EDNRB: variants seen among roughly 807,000 people sequenced by gnomAD.
EDNRB encodes endothelin receptor type B.
Under a neutral mutation model 46.4 loss-of-function variants are expected in EDNRB, and 18 were observed. The observed-to-expected ratio is 0.39, with a 90% CI of 0.27 to 0.57. The LOEUF is 0.57. Ranked by LOEUF, EDNRB falls within the 20% of genes least tolerant of loss-of-function variation. EDNRB has a pLI of 0.61. For missense variants in EDNRB, 434 were observed against 537.5 expected, an observed-to-expected ratio of 0.81 and a Z score of 1.90; for synonymous variants, 213 against 204.9, an observed-to-expected ratio of 1.04 and a Z score of -0.34.
Position 77,918,561 on chromosome 13 carries a change from G to T in EDNRB, c.13C>A (p.Pro5Thr), listed in dbSNP as rs12720160. 3.5e-5 allele frequency: 56 copies of T among 1,598,588 alleles called. No homozygotes were observed. In the African/African-American group the frequency reaches 6.6e-4, roughly 19 times the overall value. Residue 5 changes from proline (P) to threonine (T), a missense_variant, in exon 1 of 7, where the codon CCA becomes ACA. Transcript: ENST00000646607. The surrounding 1 kb of genome is among the most constrained non-coding windows in gnomAD (Gnocchi z 4.5). MQPP[P>T]SLCGRALVAL... ...ACCAGGGCGCGTCCGCACAGACTTG[G>T]AGGCGGCTGCATGCTGCTACCTGCT...
rs57159046 is a variant in EDNRB at position 77,907,676 on chromosome 13, T to C, written c.484-4069A>G. ...CTTAAATTATTTCCAAATATGTTAA[T>C]ATTGTTATCCTGTAGGTATGGCTAT... On this transcript the variant is annotated intron_variant, in intron 1 of 6. Transcript: ENST00000646607. Among the ~76,000 whole-genome samples the C allele has an allele frequency of 4.7e-3, 716 of 152,080 alleles. 8 individuals carry two copies. Among genetic ancestry groups the C allele is most frequent in the African/African-American group, 0.017 (692 of 41,530 alleles).
At position 77,896,763 on chromosome 13, in the gene EDNRB, C is replaced by A; in HGVS notation, c.*1437G>T. ...ATCTGTCCCCATGGGTTTCCTCCAA[C>A]CCCACCTCATTTCCTCTCTCTTCCG... On this transcript the variant is annotated 3_prime_UTR_variant, in exon 7 of 7. Transcript: ENST00000646607. 1.5e-6 allele frequency: 2 copies of A among 1,343,602 alleles called. No individual in the cohort carries two copies. Among genetic ancestry groups the A allele is most frequent in the Non-Finnish European group, 1.9e-6 (2 of 1,050,144 alleles). 83.2% of individuals were successfully genotyped at this position (1,343,602 alleles called of 1,614,324 possible). A position where few individuals can be genotyped will look rare whatever the true frequency, so the allele number is the denominator to read the frequency against.
Position 77,896,423 on chromosome 13 carries a change from A to T in EDNRB, c.*1777T>A. ...AAGTTTGTGGGTGATTTATAAATAG[A>T]ATCCATATGGTGTGTGAATTAATTA... On this transcript the variant is annotated 3_prime_UTR_variant, in exon 7 of 7. Coordinates refer to ENST00000646607, the MANE Select transcript of EDNRB (RefSeq NM_001122659.3). 6.5e-7 allele frequency: 1 copy of T among 1,542,294 alleles called. No individual in the cohort carries two copies.
intron 1 of EDNRB, among the ~76,000 whole-genome samples, chr13:77,908,912 C>T (rs1050286328): frequency 5.3e-5 from 8 of 151,936 alleles, no homozygotes; most frequent in Admixed American, 2.6e-4. Flanking sequence ...AAATATGAGC[C>T]AGTTGGCAAT....
chr13:77,972,781 G>C (rs1276915274), intron 1 of EDNRB, among the ~76,000 whole-genome samples: 1 of 152,210 alleles, frequency 6.6e-6, no homozygotes, highest in African/African-American at 2.4e-5. Flanking sequence ...AGAAGAAAGA[G>C]TAATAGAATA....
intron 1 of EDNRB, among the ~76,000 whole-genome samples, chr13:77,935,210 C>G (rs1017783067): frequency 6.6e-6 from 1 of 152,206 alleles, no homozygotes; most frequent in Non-Finnish European, 1.5e-5. Context: ...GGCCGCCACA[C>G]GCAAACTTGA....
At chr13:77,910,217 C>T (rs941072983) in intron 1 of EDNRB, among the ~76,000 whole-genome samples, 1 of 151,976 alleles carries the variant, frequency 6.6e-6, no homozygotes, top group African/African-American at 2.4e-5. Context: ...ACCAAGATTA[C>T]TTTGCCAGAC....
chr13:77,956,633 TTTA>T (rs1382385438), intron 1 of EDNRB, among the ~76,000 whole-genome samples: 2 of 152,350 alleles, frequency 1.3e-5, no homozygotes, highest in East Asian at 1.9e-4. Flanking sequence ...ATAGCACAAA[TTTA>T]TTATTGTGCA....
At chr13:77,899,598 T>A (rs1238938259) in intron 6 of EDNRB, 3 of 396,252 alleles carry the variant, frequency 7.6e-6, no homozygotes, top group African/African-American at 6.1e-5. Context: ...GCATGTAATT[T>A]TTATTACTTT....
At chr13:77,969,163 C>T (rs1881659106) in intron 1 of EDNRB, among the ~76,000 whole-genome samples, 1 of 152,144 alleles carries the variant, frequency 6.6e-6, no homozygotes, top group East Asian at 1.9e-4. Flanking sequence ...GTCATTGCCT[C>T]TATTTTTTAA....
intron 1 of EDNRB, among the ~76,000 whole-genome samples, chr13:77,954,286 G>A (rs138161657): frequency 6.6e-6 from 1 of 151,786 alleles, no homozygotes; most frequent in Non-Finnish European, 1.5e-5. Flanking sequence ...CTCCTTATAT[G>A]CCCCTTCTCC....
rs202070754 is a variant in EDNRB, at chr13:77,918,343, C to A, written c.231G>T (p.Thr77=). 6 of 1,613,706 alleles carry A rather than the reference C, an allele frequency of 3.7e-6. No individual in the cohort carries two copies. Among genetic ancestry groups the A allele is most frequent in the Non-Finnish European group, 5.1e-6 (6 of 1,179,794 alleles). ...APAEVPKGDR[T]AGSPPRTISP... ...AGATGGTGCGTGGCGGAGATCCTGC[C>A]GTCCTGTCTCCTTTAGGCACCTCCG... Residue 77 remains threonine (T), a synonymous_variant, in exon 1 of 7, where the codon ACG becomes ACT. Transcript: ENST00000646607. The surrounding 1 kb of genome is among the most constrained non-coding windows in gnomAD (Gnocchi z 4.5).
At chr13:77,944,996 G>C (rs1003032593) in intron 1 of EDNRB, 3 of 152,172 alleles carry the variant, frequency 2.0e-5, no homozygotes, top group African/African-American at 7.2e-5. Flanking sequence ...AAATTTCCAA[G>C]TGTGAAATCT....
rs534282645 is a variant in EDNRB, at chr13:77,960,240, T to A, written c.-52+15107A>T. 1.6e-4 allele frequency among the ~76,000 whole-genome samples: 24 copies of A among 152,192 alleles called. 1 individual carries two copies. In the South Asian group the frequency reaches 5.0e-3, roughly 32 times the overall value. ...AACTCCAAGACACATAATTATCAGA[T>A]TCACCAAAGTTGAAATGAAGGAAAA... On this transcript the variant is annotated intron_variant, in intron 1 of 7. Transcript: ENST00000646948.
chr13:77,901,111 T>C lies in EDNRB; in HGVS notation c.898A>G (p.Met300Val). ...AFFYTLMTCEMLRKKSGMQIA... is the reference protein window; with the variant it reads ...AFFYTLMTCEVLRKKSGMQIA... ...TGCATGCCACTTTTCTTTCTCAACA[T>C]TTCACAGGTCATTAGTGTATAAAAA... Residue 300 changes from methionine to valine, a missense_variant, in exon 4 of 7, where the codon ATG becomes GTG. By Grantham distance (21) the Met-to-Val change is conservative. Coordinates refer to ENST00000646607, the MANE Select transcript of EDNRB (RefSeq NM_001122659.3). The C allele has an allele frequency of 6.2e-7, 1 of 1,611,520 alleles. No individual in the cohort carries two copies. Among genetic ancestry groups the C allele is most frequent in the Non-Finnish European group, 8.5e-7 (1 of 1,178,468 alleles).
chr13:77,950,388 G>A (rs1236680464), intron 1 of EDNRB, among the ~76,000 whole-genome samples: 1 of 152,086 alleles, frequency 6.6e-6, no homozygotes, highest in African/African-American at 2.4e-5. Context: ...GTATAGTGTG[G>A]GACTAGATGG....
intron 1 of EDNRB, among the ~76,000 whole-genome samples, chr13:77,974,069 C>T (rs1174900491): frequency 1.3e-5 from 2 of 151,840 alleles, no homozygotes; most frequent in Non-Finnish European, 2.9e-5. Flanking sequence ...TTTTAGCAAA[C>T]TTTACTTTTG....
intron 1 of EDNRB, among the ~76,000 whole-genome samples, chr13:77,941,546 T>C (rs1880745674): frequency 6.6e-6 from 1 of 152,222 alleles, no homozygotes; most frequent in Non-Finnish European, 1.5e-5. Context: ...TTCTTCTCTA[T>C]TAGCTAGCTC....
chr13:77,957,081 G>C (rs1881262554), intron 1 of EDNRB, among the ~76,000 whole-genome samples: 1 of 152,126 alleles, frequency 6.6e-6, no homozygotes, highest in Admixed American at 6.6e-5. Context: ...GGTCCATATG[G>C]ATTCAGTTGT....
Sources: gnomAD v4.1 joint callset for allele counts (sites outside exome capture counted in the v4.1 genomes callset) on GRCh38, gnomAD v4.1.1 for gene constraint, Gnocchi (gnomAD v3.1) non-coding constraint, MANE v1.5 for transcripts, NCBI Gene and HGNC (gene_info 2026-07-23, HGNC 2026-07-21) for gene names.